Variants in CNBD1 observed in about 807,000 individuals in gnomAD.
CNBD1 encodes the protein cyclic nucleotide-binding domain-containing protein 1.
Under a neutral mutation model 54.4 loss-of-function variants are expected in CNBD1, and 71 were observed. The ratio of observed to expected loss-of-function variants is 1.30; its 90% CI spans 1.08 to 1.59. CNBD1 has a LOEUF of 1.59. Ranked by LOEUF, CNBD1 falls within the 40% of genes most tolerant of loss-of-function variation. CNBD1 has a pLI of 0.00. For missense variants in CNBD1, 659 were observed against 518.0 expected (o/e 1.27, Z -2.64); for synonymous variants, 182 against 170.7 (o/e 1.07, Z -0.51).
chr8:87,095,985 C>T (rs1227426289), intron 4 of CNBD1, among the ~76,000 whole-genome samples: 1 of 152,154 alleles, frequency 6.6e-6, no homozygotes, highest in Non-Finnish European at 1.5e-5. Flanking sequence ...ATACCCTGTG[C>T]TTCCTTTCTT....
At chr8:86,952,149 A>G (rs1807642164) in intron 4 of CNBD1, among the ~76,000 whole-genome samples, 1 of 152,102 alleles carries the variant, frequency 6.6e-6, no homozygotes, top group Non-Finnish European at 1.5e-5. Context: ...CGCCAAACCA[A>G]TGTCCATTTT....
At chr8:86,904,240 T>A (rs1197398245) in intron 2 of CNBD1, among the ~76,000 whole-genome samples, 1 of 152,062 alleles carries the variant, frequency 6.6e-6, no homozygotes, top group Non-Finnish European at 1.5e-5. Context: ...AAGATGTTTG[T>A]CAGTGTTCAA....
intron 4 of CNBD1, among the ~76,000 whole-genome samples, chr8:87,178,728 C>A (rs1318663640): frequency 1.3e-5 from 2 of 152,126 alleles, no homozygotes; most frequent in African/African-American, 2.4e-5. Flanking sequence ...GTAATAGTAG[C>A]AGGATGAAAA....
At chr8:87,343,658 A>G (rs1369786811) in intron 8 of CNBD1, among the ~76,000 whole-genome samples, 1 of 152,234 alleles carries the variant, frequency 6.6e-6, no homozygotes, top group Non-Finnish European at 1.5e-5. Context: ...TGAATACTAT[A>G]AAGTTAGTGG....
rs1468933877 is a variant in CNBD1 at position 87,206,025 on chromosome 8, C to T, written c.464C>T (p.Thr155Ile). Reference protein sequence around the residue: ...PIHRTPYEHKTVWKFLKTIPD... With the variant: ...PIHRTPYEHKIVWKFLKTIPD... Reference sequence around the variant, plus strand: ...CACAGGACGCCATATGAACACAAAACTGTGTGGAAGTTCCTGAAAACAATT... The same window carrying T: ...CACAGGACGCCATATGAACACAAAATTGTGTGGAAGTTCCTGAAAACAATT... The change falls in exon 5 of 11, where the codon ACT becomes ATT. Residue 155 changes from threonine (T) to isoleucine (I), a missense_variant. Thr to Ile is a moderately conservative substitution (Grantham distance 89, BLOSUM62 -1). Transcript: ENST00000518476. The T allele has an allele frequency of 1.3e-6, 2 of 1,581,330 alleles. No individual in the cohort carries two copies. The highest frequency in any genetic ancestry group is 1.4e-5 in the African/African-American group (1 of 72,220).
chr8:87,210,904 C>T (rs1814083418), intron 5 of CNBD1, among the ~76,000 whole-genome samples: 1 of 152,168 alleles, frequency 6.6e-6, no homozygotes, highest in African/African-American at 2.4e-5. Context: ...AAGGGCACTA[C>T]TGTTCTCTAG....
intron 4 of CNBD1, among the ~76,000 whole-genome samples, chr8:87,174,218 A>T (rs1449895426): frequency 2.0e-5 from 3 of 151,980 alleles, no homozygotes; most frequent in Admixed American, 2.0e-4. Context: ...TCGGCCTCCC[A>T]AAGTGTCAGG....
chr8:87,406,947 G>T (rs1189937606), intron 2 of CNBD1, among the ~76,000 whole-genome samples: 1 of 152,084 alleles, frequency 6.6e-6, no homozygotes. Flanking sequence ...TACTCTGGAG[G>T]AAGTTATCCT....
chr8:87,183,757 G>A (rs1022623629), intron 4 of CNBD1, among the ~76,000 whole-genome samples: 1 of 152,138 alleles, frequency 6.6e-6, no homozygotes, highest in African/African-American at 2.4e-5. Context: ...GGTACATGTT[G>A]GGTTTAGTTG....
At chr8:87,391,997 G>A (rs1302532962) in intron 2 of CNBD1, among the ~76,000 whole-genome samples, 2 of 152,008 alleles carry the variant, frequency 1.3e-5, no homozygotes, top group African/African-American at 2.4e-5. Flanking sequence ...AAAAATTAAT[G>A]AAGGGCAGGA....
At chr8:87,041,416 G>A (rs376030684) in intron 4 of CNBD1, among the ~76,000 whole-genome samples, 46 of 152,130 alleles carry the variant, frequency 3.0e-4, no homozygotes, top group African/African-American at 4.3e-4. Context: ...CAACCACGTC[G>A]GTGTGAAATA....
chr8:86,866,660 G>C (rs973954408), intron 1 of CNBD1, 77 bp downstream of exon 1: 19 of 1,139,114 alleles, frequency 1.7e-5, no homozygotes, highest in Non-Finnish European at 2.5e-5. Flanking sequence ...ATGAAAATTG[G>C]GGGTATTTCA....
intron 8 of CNBD1, among the ~76,000 whole-genome samples, chr8:87,303,321 G>A (rs1394554452): frequency 1.3e-5 from 2 of 151,944 alleles, no homozygotes; most frequent in Non-Finnish European, 2.9e-5. Context: ...AGAGCCCTCA[G>A]AAATAATGCC....
chr8:87,055,277 G>T (rs1363981837), intron 4 of CNBD1, among the ~76,000 whole-genome samples: 1 of 152,166 alleles, frequency 6.6e-6, no homozygotes. Flanking sequence ...GCTTTTATGA[G>T]AAACTTCTCT....
At chr8:87,236,053 G>C (rs1807578291) in intron 5 of CNBD1, among the ~76,000 whole-genome samples, 1 of 151,814 alleles carries the variant, frequency 6.6e-6, no homozygotes, top group Non-Finnish European at 1.5e-5. Flanking sequence ...TGACTTTTAG[G>C]ACATTAAAAA....
At chr8:87,190,886 C>CCTATATCTATTTAGATATAG (rs1427428611) in intron 4 of CNBD1, among the ~76,000 whole-genome samples, 2 of 132,222 alleles carry the variant, frequency 1.5e-5, no homozygotes, top group Non-Finnish European at 3.2e-5. Context: ...GATACATGTA[C>CCTATATCTATTTAGATATAG]GTATATCTAT....
chr8:87,406,593 C>G (rs993503547), intron 2 of CNBD1, among the ~76,000 whole-genome samples: 1 of 151,696 alleles, frequency 6.6e-6, no homozygotes, highest in Non-Finnish European at 1.5e-5. Flanking sequence ...GATTCTCCTG[C>G]CTCAGCTTCC....
chr8:87,108,051 C>T (rs1163143032), intron 4 of CNBD1, among the ~76,000 whole-genome samples: 2 of 152,080 alleles, frequency 1.3e-5, no homozygotes, highest in East Asian at 3.9e-4. Context: ...TAATTAGTTT[C>T]CTAATTGGCA....
At position 87,303,217 on chromosome 8, in the gene CNBD1, T is replaced by C. The variant is rs1468184888; in HGVS notation, c.1042+16546T>C. On this transcript the variant is annotated intron_variant, in intron 8 of 10. Transcript: ENST00000518476. ...CAAAAGAACAAAGCTGGAGGCATCA[T>C]GCTACCTGACTTCAAACTATACTAC... Among the ~76,000 whole-genome samples, 193 of 151,302 alleles carry C rather than the reference T, an allele frequency of 1.3e-3. 1 individual carries two copies. The highest frequency in any genetic ancestry group is 5.2e-3 in the South Asian group (25 of 4,804).
Sources: allele counts gnomAD v4.1 joint callset (sites outside exome capture counted in the v4.1 genomes callset), GRCh38; gene constraint gnomAD v4.1.1; transcripts MANE v1.5; gene names NCBI Gene and HGNC (gene_info 2026-07-23, HGNC 2026-07-21).